The following SRGAP1 variants were observed in gnomAD, a reference collection of about 807,000 sequenced individuals.
The protein encoded by SRGAP1 is SLIT-ROBO Rho GTPase-activating protein 1.
A neutral mutation model predicts 121.9 loss-of-function variants in SRGAP1; 43 were observed. The observed-to-expected ratio is 0.35, with a 90% confidence interval of 0.28 to 0.46. The LOEUF is 0.46. SRGAP1 is among the 20% of genes least tolerant of loss of function. SRGAP1 has a pLI of 1.00. For synonymous variants in SRGAP1, 447 were observed against 485.4 expected (o/e 0.92, Z 1.04); for missense variants, 1,102 against 1,350.9 (o/e 0.82, Z 2.89).
At chr12:64,060,577 G>A (rs2035432984) in intron 6 of SRGAP1, among the ~76,000 whole-genome samples, 1 of 152,070 alleles carries the variant, frequency 6.6e-6, no homozygotes, top group South Asian at 2.1e-4. Context: ...ATTTTAAATA[G>A]CAAGATTTTA....
At chr12:64,128,751 CAA>C (rs1283601053) in intron 21 of SRGAP1, among the ~76,000 whole-genome samples, 1 of 152,144 alleles carries the variant, frequency 6.6e-6, no homozygotes, top group Non-Finnish European at 1.5e-5. Flanking sequence ...ATAATGTGAT[CAA>C]TAATAGATAG....
rs766707863 is a variant in SRGAP1, at chr12:64,042,801, A to G, written c.501A>G (p.Thr167=). ...VLNELYTVMK[T]YHMYHAESIS... ...TCACTTTTCCACAGGTGATGAAAAC[A>G]TACCATATGTATCATGCAGAGAGCA... is the stretch of plus-strand genomic sequence containing the variant. The change falls in exon 5 of 22, where the codon ACA becomes ACG. Residue 167 remains threonine (T), a synonymous_variant. Transcript: ENST00000355086. 79 of 1,613,224 alleles carry G rather than the reference A, an allele frequency of 4.9e-5. No individual in the cohort carries two copies. The highest frequency in any genetic ancestry group is 2.7e-4 in the South Asian group (25 of 90,932).
intron 1 of SRGAP1, among the ~76,000 whole-genome samples, chr12:63,944,638 G>A (rs1449092622): frequency 6.6e-6 from 1 of 152,210 alleles, no homozygotes; most frequent in Non-Finnish European, 1.5e-5. Flanking sequence ...AGTAGTAGAT[G>A]TGAAAGCTTC....
chr12:64,071,933 C>G (rs903542510), intron 8 of SRGAP1, among the ~76,000 whole-genome samples: 3 of 151,776 alleles, frequency 2.0e-5, no homozygotes, highest in Non-Finnish European at 2.9e-5. Flanking sequence ...CTGGTAATGC[C>G]TACCCAACAC....
chr12:64,027,741 A>G (rs1003712309), intron 4 of SRGAP1, among the ~76,000 whole-genome samples: 1 of 152,180 alleles, frequency 6.6e-6, no homozygotes, highest in Non-Finnish European at 1.5e-5. Context: ...ACAGATTAAC[A>G]AAGGCCTCTT....
intron 1 of SRGAP1, among the ~76,000 whole-genome samples, chr12:63,890,226 G>A (rs542744901): frequency 2.0e-5 from 3 of 152,188 alleles, no homozygotes; most frequent in Non-Finnish European, 2.9e-5. Context: ...CCAGAAAAGC[G>A]TGAAACCGTT....
chr12:64,107,040 A>C (rs2036356118), intron 15 of SRGAP1, among the ~76,000 whole-genome samples: 1 of 152,128 alleles, frequency 6.6e-6, no homozygotes, highest in South Asian at 2.1e-4. Context: ...AAGATGACAG[A>C]GCTACGGTTC....
chr12:63,943,252 C>G (rs924303184), intron 1 of SRGAP1, among the ~76,000 whole-genome samples: 8 of 152,120 alleles, frequency 5.3e-5, no homozygotes, highest in African/African-American at 1.9e-4. Context: ...TAATGAGCAT[C>G]TAATATGTGC....
At chr12:64,068,087 T>A (rs1381504018) in intron 8 of SRGAP1, among the ~76,000 whole-genome samples, 2 of 151,910 alleles carry the variant, frequency 1.3e-5, no homozygotes, top group Non-Finnish European at 2.9e-5. Context: ...GAGACCAGCC[T>A]GGGCAACGTG....
intron 1 of SRGAP1, among the ~76,000 whole-genome samples, chr12:63,937,955 C>T (rs1331380688): frequency 6.6e-6 from 1 of 152,234 alleles, no homozygotes; most frequent in Non-Finnish European, 1.5e-5. Context: ...CAACATCTCC[C>T]CACACAGCAG....
chr12:63,930,703 A>T (rs2031447030), intron 1 of SRGAP1, among the ~76,000 whole-genome samples: 1 of 152,118 alleles, frequency 6.6e-6, no homozygotes, highest in African/African-American at 2.4e-5. Flanking sequence ...CGAGTGAGTG[A>T]ATTGTTTGGG....
Position 64,145,982 on chromosome 12 carries a change from CTG to C in SRGAP1, c.*3316_*3317del, listed in dbSNP as rs371793942. 5.3e-5 allele frequency: 8 copies of C among 152,196 alleles called. No individual in the cohort carries two copies. Among genetic ancestry groups the C allele is most frequent in the African/African-American group, 1.4e-4 (6 of 41,434 alleles). 9.4% of individuals were successfully genotyped at this position (152,196 alleles called of 1,614,324 possible). A position where few individuals can be genotyped will look rare whatever the true frequency, so the allele number is the denominator to read the frequency against. ...GAATATGTATTCTCAGCTGATATAA[CTG>C]TGTGTTCACATCCCATCCATAGAAC... On this transcript the variant is annotated 3_prime_UTR_variant, in exon 22 of 22. Coordinates refer to ENST00000355086, the MANE Select transcript of SRGAP1 (RefSeq NM_020762.4).
At chr12:63,979,038 C>CTTTTT (rs34235730) in intron 1 of SRGAP1, among the ~76,000 whole-genome samples, 91 of 82,130 alleles carry the variant, frequency 1.1e-3, no homozygotes, top group South Asian at 2.3e-3. Flanking sequence ...ACCCTTTGAC[C>CTTTTT]TTTTTTTTTT....
At chr12:64,008,373 TTTC>T (rs1178972980) in intron 3 of SRGAP1, among the ~76,000 whole-genome samples, 2 of 152,092 alleles carry the variant, frequency 1.3e-5, no homozygotes, top group African/African-American at 4.8e-5. Flanking sequence ...TGTTTTTCTT[TTTC>T]TATTTGTTTT....
chr12:63,950,173 G>A (rs1252886212), intron 1 of SRGAP1, among the ~76,000 whole-genome samples: 1 of 152,156 alleles, frequency 6.6e-6, no homozygotes, highest in African/African-American at 2.4e-5. Context: ...TCTCAAAGAA[G>A]GAGAGGAATA....
intron 4 of SRGAP1, among the ~76,000 whole-genome samples, chr12:64,036,358 G>A (rs566102638): frequency 5.0e-4 from 76 of 152,274 alleles, no homozygotes; most frequent in African/African-American, 1.8e-3. Flanking sequence ...CAAGGCTGTG[G>A]TATTACCCCA....
At chr12:63,956,341 A>G (rs964850855) in intron 1 of SRGAP1, among the ~76,000 whole-genome samples, 10 of 152,182 alleles carry the variant, frequency 6.6e-5, no homozygotes, top group African/African-American at 2.2e-4. Context: ...CTGGGAATAC[A>G]GGCATGAACC....
chr12:64,148,690 G>C lies in SRGAP1; in HGVS notation c.*6018G>C, dbSNP rs1326534765. ...GTTGTGCAAGATTGAATATTGATAA[G>C]ATATAAAGTTTAAAAAATGACAGGC... On this transcript the variant is annotated 3_prime_UTR_variant, in exon 22 of 22. Coordinates refer to ENST00000355086, the MANE Select transcript of SRGAP1 (RefSeq NM_020762.4). 1 of 152,204 alleles carries C rather than the reference G, an allele frequency of 6.6e-6. No individual in the cohort carries two copies. Among genetic ancestry groups the C allele is most frequent in the Non-Finnish European group, 1.5e-5 (1 of 68,028 alleles). 9.4% of individuals were successfully genotyped at this position (152,204 alleles called of 1,614,324 possible). A position where few individuals can be genotyped will look rare whatever the true frequency, so the allele number is the denominator to read the frequency against.
intron 6 of SRGAP1, among the ~76,000 whole-genome samples, chr12:64,053,545 G>A (rs1424498210): frequency 1.3e-5 from 2 of 152,158 alleles, no homozygotes; most frequent in African/African-American, 4.8e-5. Flanking sequence ...CAAGTGGGAA[G>A]TGGAATACAC....
Sources: allele counts gnomAD v4.1 joint callset (sites outside exome capture counted in the v4.1 genomes callset), GRCh38; gene constraint gnomAD v4.1.1; transcripts MANE v1.5; gene names NCBI Gene and HGNC (gene_info 2026-07-23, HGNC 2026-07-21).